Variants in CACNA2D1 observed in about 807,000 individuals in gnomAD.
CACNA2D1 encodes the protein calcium voltage-gated channel auxiliary subunit alpha2delta 1, also known as voltage-dependent calcium channel subunit alpha-2/delta-1.
CACNA2D1 carries 53 observed loss-of-function variants against 171.5 expected under a neutral mutation model. The observed-to-expected ratio is 0.31, with a 90% CI of 0.25 to 0.39. CACNA2D1 has a LOEUF of 0.39. Ranked by LOEUF, CACNA2D1 falls within the 10% of genes least tolerant of loss-of-function variation. The pLI is 1.00. For missense variants in CACNA2D1, 903 were observed against 1,299.8 expected (o/e 0.69, Z 4.69); for synonymous variants, 442 against 443.1 (o/e 1.00, Z 0.03).
rs1411401065 is a variant in CACNA2D1, at chr7:82,443,677, C to A, written c.-218G>T. 3.2e-6 allele frequency: 4 copies of A among 1,246,454 alleles called. No individual in the cohort carries two copies. Among genetic ancestry groups the A allele is most frequent in the Non-Finnish European group, 4.0e-6 (4 of 999,614 alleles). 77.2% of individuals were successfully genotyped at this position (1,246,454 alleles called of 1,614,324 possible). On this transcript the variant is annotated 5_prime_UTR_variant, in exon 1 of 39. Coordinates refer to ENST00000356860, the MANE Select transcript of CACNA2D1 (RefSeq NM_000722.4). The stretch of plus-strand genomic sequence containing the variant: ...GGTGGCGGGCGGACCCACTAGCGTG[C>A]GTCGGCTGCTCCGCGCCGCGGCCGC...
At chr7:82,017,995 A>G (rs1218156482) in intron 12 of CACNA2D1, among the ~76,000 whole-genome samples, 3 of 152,192 alleles carry the variant, frequency 2.0e-5, no homozygotes, top group Non-Finnish European at 4.4e-5. Context: ...AATGCACATG[A>G]AAACTTTTCT....
At chr7:82,239,284 T>C (rs548381674) in intron 3 of CACNA2D1, among the ~76,000 whole-genome samples, 2 of 151,518 alleles carry the variant, frequency 1.3e-5, no homozygotes, top group African/African-American at 2.4e-5. Flanking sequence ...ATGGAACCAA[T>C]ACGATAAATT....
At chr7:82,435,075 AC>A (rs1389278459) in intron 1 of CACNA2D1, among the ~76,000 whole-genome samples, 1 of 122,112 alleles carries the variant, frequency 8.2e-6, no homozygotes, top group Non-Finnish European at 1.6e-5. Flanking sequence ...TCACTCTGTC[AC>A]CCAGGCTGGA....
intron 5 of CACNA2D1, among the ~76,000 whole-genome samples, chr7:82,130,791 C>CTTTTTTTTTTTT (rs71093363): frequency 9.4e-6 from 1 of 105,846 alleles, no homozygotes; most frequent in Non-Finnish European, 1.8e-5. Flanking sequence ...TTGTTTTTGT[C>CTTTTTTTTTTTT]TTTTTTTTTT....
At chr7:82,248,345 C>T (rs1160393938) in intron 3 of CACNA2D1, among the ~76,000 whole-genome samples, 2 of 152,072 alleles carry the variant, frequency 1.3e-5, no homozygotes, top group Non-Finnish European at 2.9e-5. Flanking sequence ...AGATGAAGGC[C>T]CTTCTGCTGA....
intron 1 of CACNA2D1, among the ~76,000 whole-genome samples, chr7:82,395,331 T>C (rs183680676): frequency 1.3e-5 from 2 of 152,310 alleles, no homozygotes; most frequent in Admixed American, 1.3e-4. Context: ...TGTCAAGCAG[T>C]CTGATTCCAG....
intron 6 of CACNA2D1, among the ~76,000 whole-genome samples, chr7:82,099,142 G>A (rs533810505): frequency 8.5e-5 from 13 of 152,102 alleles, no homozygotes; most frequent in African/African-American, 2.2e-4. Flanking sequence ...TCAAACTGAC[G>A]GAAGCCAAGA....
At chr7:82,184,098 GAA>G (rs1797422210) in intron 3 of CACNA2D1, among the ~76,000 whole-genome samples, 2 of 149,742 alleles carry the variant, frequency 1.3e-5, no homozygotes, top group Non-Finnish European at 3.0e-5. Flanking sequence ...AAAAAAAAAT[GAA>G]AAGTGTGATC....
chr7:82,312,162 T>C (rs1814550830), intron 3 of CACNA2D1, among the ~76,000 whole-genome samples: 1 of 152,218 alleles, frequency 6.6e-6, no homozygotes, highest in Non-Finnish European at 1.5e-5. Flanking sequence ...CCAAGGTTAA[T>C]AAGACTAAAA....
intron 11 of CACNA2D1, among the ~76,000 whole-genome samples, chr7:82,037,102 T>G (rs911417550): frequency 6.6e-6 from 1 of 152,210 alleles, no homozygotes; most frequent in African/African-American, 2.4e-5. Flanking sequence ...AATAAAATAA[T>G]TGAACAATGG....
chr7:82,178,868 C>T (rs1268947716), intron 3 of CACNA2D1, among the ~76,000 whole-genome samples: 1 of 152,052 alleles, frequency 6.6e-6, no homozygotes, highest in East Asian at 1.9e-4. Context: ...TTCACATCTG[C>T]GCACCTCCAG....
chr7:82,315,976 A>T (rs1030892988), intron 3 of CACNA2D1, among the ~76,000 whole-genome samples: 12 of 151,586 alleles, frequency 7.9e-5, no homozygotes, highest in African/African-American at 1.2e-4. Flanking sequence ...TTTTTTTTTT[A>T]AATATTATTT....
chr7:81,956,225 C>T (rs1050729512), intron 38 of CACNA2D1, among the ~76,000 whole-genome samples: 12 of 151,658 alleles, frequency 7.9e-5, no homozygotes, highest in East Asian at 1.9e-4. Context: ...GCACCCACCT[C>T]GGCCTCCCAA....
At chr7:82,393,928 C>A (rs1825488274) in intron 1 of CACNA2D1, among the ~76,000 whole-genome samples, 1 of 152,050 alleles carries the variant, frequency 6.6e-6, no homozygotes, top group African/African-American at 2.4e-5. Context: ...GCAGCAACAA[C>A]CCTTTGTTGA....
chr7:82,325,000 C>T lies in CACNA2D1; in HGVS notation c.294+10135G>A, dbSNP rs183765065. Among the ~76,000 whole-genome samples the T allele has an allele frequency of 4.6e-5, 7 of 152,312 alleles. No homozygotes were observed. The East Asian group carries it at 9.7e-4, about 21-fold the overall frequency. On this transcript the variant is annotated intron_variant, in intron 3 of 38. Transcript: ENST00000356860. ...TGAATAAGATGTTAACATACAGTGT[C>T]GTAGGCCCTACTTGGCCTTTCGCTG...
chr7:82,028,987 A>C (rs894101525), intron 12 of CACNA2D1: 1 of 151,916 alleles, frequency 6.6e-6, no homozygotes, highest in Non-Finnish European at 1.5e-5. Flanking sequence ...AATGACTCCA[A>C]GTTTTAAAAG....
intron 3 of CACNA2D1, among the ~76,000 whole-genome samples, chr7:82,318,131 T>C (rs10954674): frequency 0.17 from 25,833 of 152,142 alleles, 2,278 homozygotes; most frequent in South Asian, 0.28. Flanking sequence ...CACTTTTCAA[T>C]TGCCTACAAC....
chr7:82,017,091 G>T (rs539578460), intron 12 of CACNA2D1, among the ~76,000 whole-genome samples: 1 of 151,622 alleles, frequency 6.6e-6, no homozygotes, highest in Admixed American at 6.6e-5. Context: ...TTGGTTTTAC[G>T]TATATGTATG....
intron 1 of CACNA2D1, among the ~76,000 whole-genome samples, chr7:82,413,413 G>T (rs1474347399): frequency 6.6e-6 from 1 of 152,176 alleles, no homozygotes; most frequent in Non-Finnish European, 1.5e-5. Context: ...TCCCACCTCT[G>T]CCTGGCTGCA....
Sources: gnomAD v4.1 joint callset for allele counts (sites outside exome capture counted in the v4.1 genomes callset) on GRCh38, gnomAD v4.1.1 for gene constraint, MANE v1.5 for transcripts, NCBI Gene and HGNC (gene_info 2026-07-23, HGNC 2026-07-21) for gene names.